The following GOLM2 variants were observed in gnomAD, a reference collection of about 807,000 sequenced individuals.
GOLM2 encodes golgi membrane protein 2.
In GOLM2, 26 loss-of-function variants were observed where a neutral mutation model predicts 55.9. The observed-to-expected ratio is 0.47, with a 90% confidence interval of 0.34 to 0.65. The LOEUF is 0.65. GOLM2 is among the 30% of genes least tolerant of loss of function. GOLM2 has a pLI of 0.01. For synonymous variants in GOLM2, 165 were observed against 194.6 expected, an observed-to-expected ratio of 0.85 and a Z score of 1.27; for missense variants, 486 against 531.8, an observed-to-expected ratio of 0.91 and a Z score of 0.85.
At chr15:44,356,124 A>G (rs900178606) in intron 6 of GOLM2, among the ~76,000 whole-genome samples, 2 of 152,178 alleles carry the variant, frequency 1.3e-5, no homozygotes, top group African/African-American at 4.8e-5. Context: ...ATATGTTAGA[A>G]AAGTAGAAAG....
At chr15:44,385,797 A>G (rs1474815255) in intron 8 of GOLM2, among the ~76,000 whole-genome samples, 1 of 151,976 alleles carries the variant, frequency 6.6e-6, no homozygotes, top group Non-Finnish European at 1.5e-5. Flanking sequence ...GCCTCAAACA[A>G]TCCTCCCATC....
rs1180956595 is a variant in GOLM2 at position 44,413,691 on chromosome 15, C to T, written c.*285C>T. Reference sequence around the variant, plus strand: ...ATGTATATTTCACATTTTATTGAGCCGACTTATTTCCACAAATAGATAAAC... The same window carrying T: ...ATGTATATTTCACATTTTATTGAGCTGACTTATTTCCACAAATAGATAAAC... On this transcript the variant is annotated 3_prime_UTR_variant, in exon 10 of 10. Transcript: ENST00000299957. 3 of 273,510 alleles carry T rather than the reference C, an allele frequency of 1.1e-5. No individual in the cohort carries two copies. The highest frequency in any genetic ancestry group is 1.1e-3 in the Middle Eastern group (1 of 906). 16.9% of individuals were successfully genotyped at this position (273,510 alleles called of 1,614,324 possible). A position where few individuals can be genotyped will look rare whatever the true frequency, so the allele number is the denominator to read the frequency against.
chr15:44,318,389 G>A (rs2078926201), intron 1 of GOLM2, among the ~76,000 whole-genome samples: 1 of 152,184 alleles, frequency 6.6e-6, no homozygotes, highest in Non-Finnish European at 1.5e-5. Context: ...TACTCTTCAT[G>A]TTGCAGCCAG....
chr15:44,297,822 C>A (rs530881894), intron 1 of GOLM2, among the ~76,000 whole-genome samples: 2 of 150,388 alleles, frequency 1.3e-5, no homozygotes, highest in African/African-American at 2.4e-5. Flanking sequence ...CCCGCCTTGG[C>A]CTCCCAAAGT....
intron 1 of GOLM2, among the ~76,000 whole-genome samples, chr15:44,322,218 A>G (rs1435486644): frequency 6.6e-6 from 1 of 152,128 alleles, no homozygotes; most frequent in East Asian, 1.9e-4. Context: ...AAATACAAAG[A>G]TTAGCTGGGT....
chr15:44,330,501 G>A (rs1166820647), intron 3 of GOLM2, among the ~76,000 whole-genome samples: 5 of 130,550 alleles, frequency 3.8e-5, no homozygotes, highest in Admixed American at 8.5e-5. Flanking sequence ...TGACAAGAGC[G>A]AAACTCCATC....
chr15:44,308,913 A>G (rs2078856082), intron 1 of GOLM2, among the ~76,000 whole-genome samples: 1 of 152,252 alleles, frequency 6.6e-6, no homozygotes, highest in South Asian at 2.1e-4. Flanking sequence ...TATCCAAAAT[A>G]TATAAGGAAC....
At chr15:44,413,262 A>G in intron 9 of GOLM2, 74 bp from the exon 10 acceptor site, 1 of 1,092,316 alleles carries the variant, frequency 9.2e-7, no homozygotes, top group Non-Finnish European at 1.4e-6. Flanking sequence ...AGGCTATGAA[A>G]AACTGAGACA....
chr15:44,293,136 T>C (rs1301029502), intron 1 of GOLM2, among the ~76,000 whole-genome samples: 1 of 152,182 alleles, frequency 6.6e-6, no homozygotes, highest in Non-Finnish European at 1.5e-5. Flanking sequence ...TGGAAAATTA[T>C]TGGAAAATTA....
intron 1 of GOLM2, among the ~76,000 whole-genome samples, chr15:44,306,315 T>A (rs114574057): frequency 6.6e-6 from 1 of 152,048 alleles, no homozygotes; most frequent in African/African-American, 2.4e-5. Flanking sequence ...TTTTTTTTTT[T>A]AAACTTCATG....
intron 9 of GOLM2, among the ~76,000 whole-genome samples, chr15:44,411,012 A>ATTT (rs2079634865): frequency 2.7e-5 from 3 of 112,508 alleles, no homozygotes; most frequent in Non-Finnish European, 3.8e-5. Context: ...GGTTTGTTTG[A>ATTT]CTTTTTTTTT....
chr15:44,405,209 A>G (rs956421711), intron 9 of GOLM2: 2 of 152,162 alleles, frequency 1.3e-5, no homozygotes, highest in African/African-American at 2.4e-5. Flanking sequence ...TCCTTTCACA[A>G]GAAAATAAAT....
At chr15:44,376,274 ATGT>A (rs1453753345) in intron 6 of GOLM2, among the ~76,000 whole-genome samples, 1 of 151,996 alleles carries the variant, frequency 6.6e-6, no homozygotes, top group Non-Finnish European at 1.5e-5. Context: ...AAAGATACCT[ATGT>A]TGTTTCTTGT....
chr15:44,366,423 C>T (rs981601097), intron 6 of GOLM2, among the ~76,000 whole-genome samples: 1 of 151,948 alleles, frequency 6.6e-6, no homozygotes, highest in Non-Finnish European at 1.5e-5. Context: ...AGGAGGATCG[C>T]TTGAGTCCAG....
intron 1 of GOLM2, among the ~76,000 whole-genome samples, chr15:44,314,021 A>G (rs897742339): frequency 7.9e-5 from 12 of 152,136 alleles, no homozygotes; most frequent in African/African-American, 2.9e-4. Flanking sequence ...GCAGATCACA[A>G]GGTCAGGAGA....
chr15:44,340,343 A>T (rs1162396212), intron 6 of GOLM2, among the ~76,000 whole-genome samples: 1 of 152,052 alleles, frequency 6.6e-6, no homozygotes, highest in African/African-American at 2.4e-5. Flanking sequence ...ATCATAGTTG[A>T]TGGTGGCCTC....
At chr15:44,336,609 A>G (rs1172613041) in intron 4 of GOLM2, among the ~76,000 whole-genome samples, 3 of 152,024 alleles carry the variant, frequency 2.0e-5, no homozygotes, top group African/African-American at 7.2e-5. Context: ...CTTTATTGTG[A>G]CACACTCTTA....
intron 8 of GOLM2, among the ~76,000 whole-genome samples, chr15:44,394,144 C>T (rs1014688198): frequency 6.6e-6 from 1 of 152,174 alleles, no homozygotes; most frequent in Non-Finnish European, 1.5e-5. Flanking sequence ...CAGACTGGTA[C>T]ATAATGGCTC....
intron 1 of GOLM2, among the ~76,000 whole-genome samples, chr15:44,318,195 ATCT>A (rs201124163): frequency 1.0e-3 from 157 of 152,294 alleles, no homozygotes; most frequent in African/African-American, 3.3e-3. Context: ...ATATCATAAA[ATCT>A]TCTTTTGATT....
Sources: gnomAD v4.1 joint callset for allele counts (sites outside exome capture counted in the v4.1 genomes callset) on GRCh38, gnomAD v4.1.1 for gene constraint, MANE v1.5 for transcripts, NCBI Gene and HGNC (gene_info 2026-07-23, HGNC 2026-07-21) for gene names.